The following GRIA4 variants were observed in gnomAD, a reference collection of about 807,000 sequenced individuals.
The protein encoded by GRIA4 is glutamate ionotropic receptor AMPA type subunit 4, also known as glutamate receptor 4.
A neutral mutation model predicts 104.0 loss-of-function variants in GRIA4; 34 were observed. The ratio of observed to expected loss-of-function variants is 0.33; its 90% CI spans 0.25 to 0.44. GRIA4 has a LOEUF of 0.44. Ranked by LOEUF, GRIA4 falls within the 20% of genes least tolerant of loss-of-function variation. GRIA4 has a pLI of 1.00. For synonymous variants in GRIA4, 386 were observed against 381.9 expected (o/e 1.01, Z -0.13); for missense variants, 750 against 1,096.5 (o/e 0.68, Z 4.46).
At chr11:105,971,333 CT>C (rs1858681062) in intron 14 of GRIA4, among the ~76,000 whole-genome samples, 1 of 152,116 alleles carries the variant, frequency 6.6e-6, no homozygotes, top group African/African-American at 2.4e-5. Context: ...TATTTTTCTC[CT>C]GATGACCTTC....
chr11:105,966,051 G>T, intron 14 of GRIA4: 2 of 1,609,082 alleles, frequency 1.2e-6, no homozygotes, highest in Non-Finnish European at 1.7e-6. Flanking sequence ...AGCGGGGGAG[G>T]TGACTCCAAG....
intron 3 of GRIA4, among the ~76,000 whole-genome samples, chr11:105,626,916 T>G (rs763388199): frequency 1.3e-5 from 2 of 152,228 alleles, no homozygotes; most frequent in African/African-American, 4.8e-5. Context: ...GAGTAATTTT[T>G]TAAAGCACGA....
At chr11:105,676,995 A>G (rs1448642097) in intron 3 of GRIA4, among the ~76,000 whole-genome samples, 1 of 151,872 alleles carries the variant, frequency 6.6e-6, no homozygotes, top group Non-Finnish European at 1.5e-5. Flanking sequence ...AAAGAAAAAC[A>G]TGCATTCCAT....
intron 14 of GRIA4, among the ~76,000 whole-genome samples, chr11:105,937,120 C>T (rs73544634): frequency 1.3e-5 from 2 of 152,062 alleles, no homozygotes; most frequent in South Asian, 2.1e-4. Context: ...CTTGGCAATC[C>T]GAAACAATTG....
In GRIA4 at chr11:105,669,136, C is replaced by T. The variant is rs76670290; in HGVS notation, c.247+56702C>T. 8.2e-3 allele frequency among the ~76,000 whole-genome samples: 1,251 copies of T among 152,030 alleles called. 17 individuals are homozygous for T. The highest frequency in any genetic ancestry group is 0.046 in the East Asian group (239 of 5,150). On this transcript the variant is annotated intron_variant, in intron 3 of 16. Coordinates refer to ENST00000282499, the MANE Select transcript of GRIA4 (RefSeq NM_000829.4). ...CACCAAATCCTGCTTGTTTCTACCA[C>T]GACTGTCTCAATTTCTCTCATAATC...
chr11:105,797,695 T>G (rs1312860277), intron 4 of GRIA4: 2 of 360,212 alleles, frequency 5.6e-6, no homozygotes, highest in South Asian at 4.0e-5. Flanking sequence ...ATAATGAGTT[T>G]CTTTGTGTCT....
At chr11:105,714,133 T>C (rs1212211003) in intron 3 of GRIA4, among the ~76,000 whole-genome samples, 1 of 152,188 alleles carries the variant, frequency 6.6e-6, no homozygotes, top group African/African-American at 2.4e-5. Flanking sequence ...ATTTAGAGAC[T>C]GCTTTGAGAT....
At chr11:105,928,495 G>A (rs988179646) in intron 13 of GRIA4, among the ~76,000 whole-genome samples, 3 of 151,890 alleles carry the variant, frequency 2.0e-5, no homozygotes, top group Non-Finnish European at 4.4e-5. Flanking sequence ...CTACTCTAAT[G>A]TATTTCAGCA....
chr11:105,655,130 C>A (rs1224241351), intron 3 of GRIA4, among the ~76,000 whole-genome samples: 2 of 152,090 alleles, frequency 1.3e-5, no homozygotes, highest in East Asian at 3.9e-4. Context: ...TACCAACACC[C>A]TCATTTCCCT....
chr11:105,741,509 AGAG>A (rs1458432499), intron 3 of GRIA4, among the ~76,000 whole-genome samples: 1 of 152,172 alleles, frequency 6.6e-6, no homozygotes, highest in East Asian at 1.9e-4. Context: ...GGGAAATGCA[AGAG>A]GAGGAAACAT....
intron 3 of GRIA4, among the ~76,000 whole-genome samples, chr11:105,645,898 T>C (rs757922561): frequency 2.6e-5 from 4 of 152,140 alleles, no homozygotes; most frequent in Non-Finnish European, 2.9e-5. Flanking sequence ...AATCTCTACA[T>C]AGAAAGAGTT....
chr11:105,903,934 G>A lies in GRIA4; in HGVS notation c.1006G>A (p.Ala336Thr). 6 of 1,613,482 alleles carry A rather than the reference G, an allele frequency of 3.7e-6. No individual in the cohort carries two copies. Among genetic ancestry groups the A allele is most frequent in the Non-Finnish European group, 5.1e-6 (6 of 1,179,490 alleles). The change falls in exon 8 of 17, where the codon GCT becomes ACT. Residue 336 changes from alanine (A) to threonine (T), a missense_variant. Around this residue, in one of 3 missense-constraint regions of GRIA4, gnomAD observed 410 missense variants for 502.7 expected, o/e 0.82. Coordinates refer to ENST00000282499, the MANE Select transcript of GRIA4 (RefSeq NM_000829.4). ...GNAGDCLANPAAPWGQGIDME... is the reference protein window; with the variant it reads ...GNAGDCLANPTAPWGQGIDME... Reference sequence around the variant, plus strand: ...TGCTGGGGATTGTCTGGCAAATCCTGCTGCTCCATGGGGCCAGGGAATTGA... The same window carrying A: ...TGCTGGGGATTGTCTGGCAAATCCTACTGCTCCATGGGGCCAGGGAATTGA...
chr11:105,630,969 T>C (rs918624419), intron 3 of GRIA4, among the ~76,000 whole-genome samples: 1 of 152,190 alleles, frequency 6.6e-6, no homozygotes, highest in African/African-American at 2.4e-5. Flanking sequence ...TGCCTGTCCA[T>C]GAACAGGGAC....
chr11:105,978,763 T>G (rs1004312327), intron 16 of GRIA4, among the ~76,000 whole-genome samples: 6 of 152,142 alleles, frequency 3.9e-5, no homozygotes, highest in African/African-American at 1.4e-4. Context: ...TAGAAAGAAT[T>G]TAGACAGTGA....
At chr11:105,822,948 TTTC>T (rs1943630936) in intron 4 of GRIA4, among the ~76,000 whole-genome samples, 1 of 152,304 alleles carries the variant, frequency 6.6e-6, no homozygotes, top group South Asian at 2.1e-4. Flanking sequence ...CTTCTGAACA[TTTC>T]TTCTTCTATC....
chr11:105,799,469 A>C (rs1942623818), intron 4 of GRIA4, among the ~76,000 whole-genome samples: 1 of 152,086 alleles, frequency 6.6e-6, no homozygotes. Flanking sequence ...AGGGTGATGC[A>C]ATAATCAACA....
At chr11:105,696,298 T>C (rs989557999) in intron 3 of GRIA4, among the ~76,000 whole-genome samples, 2 of 152,184 alleles carry the variant, frequency 1.3e-5, no homozygotes, top group Admixed American at 1.3e-4. Flanking sequence ...GTCTGTGTCA[T>C]CATTGCCCAT....
intron 3 of GRIA4, among the ~76,000 whole-genome samples, chr11:105,694,923 A>G (rs2135504711): frequency 6.6e-6 from 1 of 152,340 alleles, no homozygotes; most frequent in East Asian, 1.9e-4. Context: ...AATAGTCATA[A>G]CAGCTACCAT....
At chr11:105,917,282 GGATTTAAGAACACAGTAGA>G (rs1947434260) in intron 10 of GRIA4, among the ~76,000 whole-genome samples, 1 of 152,138 alleles carries the variant, frequency 6.6e-6, no homozygotes, top group Admixed American at 6.6e-5. Flanking sequence ...ACCTAAGGCA[GGATTTAAGAACACAGTAGA>G]AGGACCAATC....
Sources: allele counts gnomAD v4.1 joint callset (sites outside exome capture counted in the v4.1 genomes callset), GRCh38; gene constraint gnomAD v4.1.1; regional missense constraint gnomAD v4.1.1; transcripts MANE v1.5; gene names NCBI Gene and HGNC (gene_info 2026-07-23, HGNC 2026-07-21).